The following CRISP2 variants were observed in gnomAD, a reference collection of about 807,000 sequenced individuals.
The protein encoded by CRISP2 is cysteine-rich secretory protein 2.
In CRISP2, 29 loss-of-function variants were observed where a neutral mutation model predicts 31.7. The ratio of observed to expected loss-of-function variants is 0.92; its 90% CI spans 0.68 to 1.25. The LOEUF is 1.25. Among genes scored for constraint, CRISP2 ranks in the 50% most tolerant of loss-of-function variants. The pLI, the probability that CRISP2 is intolerant of heterozygous loss-of-function variation, is 0.00. For synonymous variants in CRISP2, 111 were observed against 101.4 expected, an observed-to-expected ratio of 1.09 and a Z score of -0.57; for missense variants, 318 against 286.5, an observed-to-expected ratio of 1.11 and a Z score of -0.79.
the CRISP2 span, among the ~76,000 whole-genome samples, chr6:49,682,587 T>TTTTCTTTCTTTC: frequency 1.0e-3 from 86 of 83,608 alleles, no homozygotes; most frequent in Non-Finnish European, 1.5e-3. Flanking sequence ...CTTTCTTTCT[T>TTTTCTTTCTTTC]TTTCTTTCTT....
At chr6:49,677,672 A>T in the CRISP2 span, among the ~76,000 whole-genome samples, 1 of 152,248 alleles carries the variant, frequency 6.6e-6, no homozygotes, top group Non-Finnish European at 1.5e-5. Flanking sequence ...GTATCTATTC[A>T]TTAAATTATT....
chr6:49,703,083 C>G (rs1766378433), intron 4 of CRISP2, among the ~76,000 whole-genome samples: 1 of 152,074 alleles, frequency 6.6e-6, no homozygotes, highest in South Asian at 2.1e-4. Flanking sequence ...GTGTCCTTTT[C>G]CCACTTTATG....
intron 1 of CRISP2, among the ~76,000 whole-genome samples, 164 bp from the exon 2 acceptor site, chr6:49,712,768 T>A (rs1191944368): frequency 1.3e-5 from 2 of 152,232 alleles, no homozygotes; most frequent in Non-Finnish European, 2.9e-5. Context: ...CATATTGTCC[T>A]TCTGAGGTCA....
chr6:49,684,791 G>C, the CRISP2 span, among the ~76,000 whole-genome samples: 2 of 152,232 alleles, frequency 1.3e-5, no homozygotes, highest in South Asian at 4.2e-4. Flanking sequence ...GTTTGGATTT[G>C]TGTGCCACAT....
downstream of CRISP2, among the ~76,000 whole-genome samples, chr6:49,689,104 G>T (rs1581997760): frequency 6.6e-6 from 1 of 152,026 alleles, no homozygotes; most frequent in African/African-American, 2.4e-5. Context: ...CCTGACCTCA[G>T]GTGATCTGCC....
At chr6:49,686,146 G>C in the CRISP2 span, among the ~76,000 whole-genome samples, 1 of 152,288 alleles carries the variant, frequency 6.6e-6, no homozygotes, top group Middle Eastern at 3.4e-3. Context: ...GCTCTTCGCT[G>C]TCTTTCAATT....
At chr6:49,703,005 G>A (rs899051215) in intron 4 of CRISP2, among the ~76,000 whole-genome samples, 3 of 152,232 alleles carry the variant, frequency 2.0e-5, no homozygotes, top group East Asian at 1.9e-4. Context: ...TAAGGTGAGA[G>A]ATAAAGATTC....
At chr6:49,698,061 CA>C in intron 7 of CRISP2, 104 bp from the exon 8 acceptor site, 3 of 859,430 alleles carry the variant, frequency 3.5e-6, no homozygotes, top group Non-Finnish European at 5.2e-6. Flanking sequence ...GTTTTATAGA[CA>C]TATACCATAA....
chr6:49,684,678 T>C, the CRISP2 span, among the ~76,000 whole-genome samples: 1 of 152,218 alleles, frequency 6.6e-6, no homozygotes, highest in Non-Finnish European at 1.5e-5. Context: ...CAATATCCAA[T>C]GGCATTAAAA....
chr6:49,694,113 A>G (rs1029254394), intron 9 of CRISP2, among the ~76,000 whole-genome samples: 1 of 152,216 alleles, frequency 6.6e-6, no homozygotes, highest in African/African-American at 2.4e-5. Flanking sequence ...GGAGCGAATA[A>G]GTCTCCTAAG....
At chr6:49,712,263 A>T (rs985993649) in intron 2 of CRISP2, among the ~76,000 whole-genome samples, 2 of 152,142 alleles carry the variant, frequency 1.3e-5, no homozygotes, top group Non-Finnish European at 2.9e-5. Flanking sequence ...GATGAGCCAG[A>T]ATTCTATAAT....
At chr6:49,681,980 G>A in the CRISP2 span, among the ~76,000 whole-genome samples, 1 of 151,980 alleles carries the variant, frequency 6.6e-6, no homozygotes. Context: ...TATTTACTAT[G>A]TCCTCACAGG....
At chr6:49,694,179 G>T (rs929259311) in intron 9 of CRISP2, among the ~76,000 whole-genome samples, 2 of 152,152 alleles carry the variant, frequency 1.3e-5, no homozygotes, top group Admixed American at 1.3e-4. Context: ...CTGCAAACTT[G>T]GTTACGAGAA....
chr6:49,687,995 C>T (rs964746383), downstream of CRISP2, among the ~76,000 whole-genome samples: 2 of 152,160 alleles, frequency 1.3e-5, no homozygotes, highest in Non-Finnish European at 1.5e-5. Context: ...TGGGGAAATA[C>T]CAGCCCTTCC....
At chr6:49,690,152 TA>T (rs1561855103), downstream of CRISP2, among the ~76,000 whole-genome samples, 2 of 152,134 alleles carry the variant, frequency 1.3e-5, no homozygotes, top group African/African-American at 4.8e-5. Context: ...ATTTAGTCAA[TA>T]CCTGATTGAG....
rs113742618 is a variant in CRISP2, at chr6:49,695,138, C to T, written c.604+698G>A. On this transcript the variant is annotated intron_variant, in intron 9 of 9. Transcript: ENST00000339139. ...TTCATAATAATTTTAATAAAAGTAT[C>T]CCAACTACAGAAAGCCAGCAGCTAT... Among the ~76,000 whole-genome samples the T allele has an allele frequency of 6.3e-3, 958 of 152,138 alleles. 7 individuals carry two copies. The highest frequency in any genetic ancestry group is 0.021 in the African/African-American group (871 of 41,504).
At position 49,692,792 on chromosome 6, in the gene CRISP2, C is replaced by CA; in HGVS notation, c.712dup (p.Cys238LeufsTer2). 6.2e-7 allele frequency: 1 copy of CA among 1,613,426 alleles called. No homozygotes were observed. The highest frequency in any genetic ancestry group is 8.5e-7 in the Non-Finnish European group (1 of 1,179,480). ...GGTAAATCAGTAAATTTTGTTCTCA[C>CA]ATAGGCAAGTAGCCTTGCACTTTTC... On this transcript the variant is annotated frameshift_variant, in exon 10 of 10. Transcript: ENST00000339139. LOFTEE classifies it high-confidence loss of function.
chr6:49,698,273 T>C, intron 7 of CRISP2, 89 bp downstream of exon 7: 3 of 1,449,074 alleles, frequency 2.1e-6, no homozygotes, highest in Non-Finnish European at 2.9e-6. Flanking sequence ...ACTGTTCTCC[T>C]AAATTGAACA....
chr6:49,686,276 G>A, the CRISP2 span, among the ~76,000 whole-genome samples: 1 of 152,096 alleles, frequency 6.6e-6, no homozygotes, highest in Non-Finnish European at 1.5e-5. Flanking sequence ...TGCCTTTTGT[G>A]TATGTATAGA....
Sources: allele counts gnomAD v4.1 joint callset (sites outside exome capture counted in the v4.1 genomes callset), GRCh38; gene constraint gnomAD v4.1.1; transcripts MANE v1.5; gene names NCBI Gene and HGNC (gene_info 2026-07-23, HGNC 2026-07-21).